Variants in GOLM2 observed in about 807,000 individuals in gnomAD.
GOLM2 encodes protein GOLM2.
Under a neutral mutation model 55.9 loss-of-function variants are expected in GOLM2, and 26 were observed. The ratio of observed to expected loss-of-function variants is 0.47; its 90% CI spans 0.34 to 0.65. The LOEUF is 0.65. Among genes scored for constraint, GOLM2 ranks in the 30% least tolerant of loss-of-function variants. The pLI, the probability that GOLM2 is intolerant of heterozygous loss-of-function variation, is 0.01. For synonymous variants in GOLM2, 165 were observed against 194.6 expected, an observed-to-expected ratio of 0.85 and a Z score of 1.27; for missense variants, 486 against 531.8, an observed-to-expected ratio of 0.91 and a Z score of 0.85.
At chr15:44,361,725 C>T (rs1262294642) in intron 6 of GOLM2, among the ~76,000 whole-genome samples, 1 of 152,068 alleles carries the variant, frequency 6.6e-6, no homozygotes, top group African/African-American at 2.4e-5. Flanking sequence ...ATACCAAAGC[C>T]AGGCAGAGAC....
chr15:44,307,126 A>G (rs1379334522), intron 1 of GOLM2: 1 of 154,970 alleles, frequency 6.5e-6, no homozygotes, highest in East Asian at 1.9e-4. Context: ...GCAAGGTACA[A>G]TAAGACAAGG....
chr15:44,294,725 A>C (rs2078744365), intron 1 of GOLM2, among the ~76,000 whole-genome samples: 1 of 150,766 alleles, frequency 6.6e-6, no homozygotes, highest in Admixed American at 6.6e-5. Flanking sequence ...AAAAAAAAAA[A>C]AAACACCACC....
chr15:44,410,852 G>A lies in GOLM2; in HGVS notation c.1241-2484G>A, dbSNP rs188232571. On this transcript the variant is annotated intron_variant, in intron 9 of 9. Coordinates refer to ENST00000299957, the MANE Select transcript of GOLM2 (RefSeq NM_138423.4). The stretch of plus-strand genomic sequence containing the variant: ...TGGGAAGTTGAGGCTGCAGTGAGCC[G>A]AGATTGTGCCACTGTACTCCAACCT... Among the ~76,000 whole-genome samples, 645 of 145,764 alleles carry A rather than the reference G, an allele frequency of 4.4e-3. 4 individuals carry two copies. Among genetic ancestry groups the A allele is most frequent in the African/African-American group, 0.015 (612 of 39,636 alleles).
chr15:44,322,900 ATG>A, intron 1 of GOLM2, 63 bp from the exon 2 acceptor site: 2 of 1,182,740 alleles, frequency 1.7e-6, no homozygotes, highest in Non-Finnish European at 2.4e-6. Context: ...CAAAGTGAAT[ATG>A]AACCAAAAAA....
At chr15:44,376,129 A>T (rs182982654) in intron 6 of GOLM2, among the ~76,000 whole-genome samples, 1 of 152,172 alleles carries the variant, frequency 6.6e-6, no homozygotes, top group Non-Finnish European at 1.5e-5. Context: ...GCTACTTGGG[A>T]CGGCTGAGGC....
intron 8 of GOLM2, among the ~76,000 whole-genome samples, chr15:44,386,642 A>G (rs1168578893): frequency 1.3e-5 from 2 of 152,162 alleles, no homozygotes; most frequent in African/African-American, 2.4e-5. Flanking sequence ...GGGCCAAGGC[A>G]GGAGGATCAC....
intron 8 of GOLM2, among the ~76,000 whole-genome samples, chr15:44,397,160 T>C (rs2079531797): frequency 6.6e-6 from 1 of 151,964 alleles, no homozygotes; most frequent in South Asian, 2.1e-4. Flanking sequence ...GCCTCAGAGA[T>C]GAAGTCTACT....
At chr15:44,313,791 C>T (rs1379029965) in intron 1 of GOLM2, among the ~76,000 whole-genome samples, 1 of 152,108 alleles carries the variant, frequency 6.6e-6, no homozygotes, top group African/African-American at 2.4e-5. Flanking sequence ...TGGGTACTCA[C>T]TAAGTGCTTT....
chr15:44,337,432 T>C (rs1372150632), intron 4 of GOLM2, among the ~76,000 whole-genome samples: 1 of 151,998 alleles, frequency 6.6e-6, no homozygotes, highest in Non-Finnish European at 1.5e-5. Context: ...CCCAGGAAGA[T>C]GCCCAATTTT....
chr15:44,358,914 T>C (rs2079215815), intron 6 of GOLM2, among the ~76,000 whole-genome samples: 1 of 152,130 alleles, frequency 6.6e-6, no homozygotes, highest in Admixed American at 6.5e-5. Context: ...GCCAGCACTT[T>C]GGGAGGCTGA....
intron 6 of GOLM2, 32 bp from the exon 7 acceptor site, chr15:44,379,658 G>T: frequency 5.7e-6 from 5 of 877,674 alleles, no homozygotes; most frequent in South Asian, 1.5e-5. Context: ...AGTATCAATG[G>T]GAATAATATG....
chr15:44,359,219 A>G (rs2079218840), intron 6 of GOLM2, among the ~76,000 whole-genome samples: 1 of 152,106 alleles, frequency 6.6e-6, no homozygotes, highest in African/African-American at 2.4e-5. Context: ...AGAGAAGACA[A>G]GACTGGGAGA....
chr15:44,373,002 T>C (rs956683865), intron 6 of GOLM2, among the ~76,000 whole-genome samples: 3 of 152,206 alleles, frequency 2.0e-5, no homozygotes, highest in African/African-American at 7.2e-5. Flanking sequence ...CCCACCACTC[T>C]CTATCACATC....
intron 6 of GOLM2, among the ~76,000 whole-genome samples, chr15:44,366,698 G>A (rs1010733848): frequency 6.6e-6 from 1 of 151,898 alleles, no homozygotes; most frequent in Non-Finnish European, 1.5e-5. Context: ...AAAAAAGATA[G>A]GAAGATTATG....
intron 1 of GOLM2, among the ~76,000 whole-genome samples, chr15:44,292,556 A>G (rs1406229954): frequency 1.3e-5 from 2 of 152,056 alleles, no homozygotes; most frequent in African/African-American, 2.4e-5. Context: ...GGGTGTTGCT[A>G]TGTTGCCCAG....
At chr15:44,350,183 G>C (rs147575567) in intron 6 of GOLM2, among the ~76,000 whole-genome samples, 125 of 152,108 alleles carry the variant, frequency 8.2e-4, no homozygotes, top group African/African-American at 2.6e-3. Flanking sequence ...CAATACAAAA[G>C]ATCAAGGAAA....
At chr15:44,358,909 C>A (rs1354715212) in intron 6 of GOLM2, among the ~76,000 whole-genome samples, 5 of 152,152 alleles carry the variant, frequency 3.3e-5, no homozygotes, top group African/African-American at 7.2e-5. Context: ...GTAATGCCAG[C>A]ACTTTGGGAG....
At chr15:44,392,802 G>A (rs1374545402) in intron 8 of GOLM2, among the ~76,000 whole-genome samples, 1 of 152,142 alleles carries the variant, frequency 6.6e-6, no homozygotes, top group Non-Finnish European at 1.5e-5. Flanking sequence ...CATCTCAAAA[G>A]ATGTAAAGTG....
chr15:44,296,479 T>A (rs1352096216), intron 1 of GOLM2, among the ~76,000 whole-genome samples: 1 of 152,098 alleles, frequency 6.6e-6, no homozygotes, highest in East Asian at 1.9e-4. Context: ...GGGGAAAAGG[T>A]CATATGTCAG....
Sources: allele counts gnomAD v4.1 joint callset (sites outside exome capture counted in the v4.1 genomes callset), GRCh38; gene constraint gnomAD v4.1.1; transcripts MANE v1.5; gene names NCBI Gene and HGNC (gene_info 2026-07-23, HGNC 2026-07-21).